Variants in EPB41L4A observed in about 807,000 individuals in gnomAD.
EPB41L4A encodes erythrocyte membrane protein band 4.1 like 4A.
EPB41L4A carries 100 observed loss-of-function variants against 108.6 expected under a neutral mutation model. That is an observed-to-expected ratio of 0.92 (90% confidence interval 0.78 to 1.09). The LOEUF (loss-of-function observed/expected upper bound fraction) is 1.09. Ranked by LOEUF, EPB41L4A falls within the 50% of genes least tolerant of loss-of-function variation. The probability of loss-of-function intolerance (pLI) is 0.00; values close to 1 mark genes in which losing one functional copy is unlikely to be tolerated. For synonymous variants in EPB41L4A, 319 were observed against 289.0 expected, an observed-to-expected ratio of 1.10 and a Z score of -1.05; for missense variants, 1,030 against 842.7, an observed-to-expected ratio of 1.22 and a Z score of -2.75.
chr5:112,153,584 G>T (rs563083018), intron 12 of EPB41L4A, among the ~76,000 whole-genome samples: 3,231 of 147,354 alleles, frequency 0.022, 41 homozygotes, highest in Middle Eastern at 0.035. Context: ...TATAGAGAGA[G>T]AGAGAGAGAG....
Position 112,194,550 on chromosome 5 carries a change from A to G in EPB41L4A, c.1502+18T>C. The G allele has an allele frequency of 7.0e-7, 1 of 1,421,742 alleles. No homozygotes were observed. The highest frequency in any genetic ancestry group is 9.8e-7 in the Non-Finnish European group (1 of 1,023,618). 88.1% of individuals were successfully genotyped at this position (1,421,742 alleles called of 1,614,324 possible). Reference sequence around the variant, plus strand: ...TCTGATTTCAGAGTGCCAGTTAATTATAATATTGAGATATTACCTGTTTCT... The same window carrying G: ...TCTGATTTCAGAGTGCCAGTTAATTGTAATATTGAGATATTACCTGTTTCT... On this transcript the variant is annotated intron_variant, in intron 17 of 22. Coordinates refer to ENST00000261486, the MANE Select transcript of EPB41L4A (RefSeq NM_022140.5).
At chr5:112,188,937 T>C (rs569570947) in intron 17 of EPB41L4A, among the ~76,000 whole-genome samples, 21 of 152,352 alleles carry the variant, frequency 1.4e-4, no homozygotes, top group Non-Finnish European at 2.1e-4. Flanking sequence ...GTCAGATATA[T>C]TGTCCCTCTT....
intron 12 of EPB41L4A, among the ~76,000 whole-genome samples, chr5:112,220,647 T>C (rs1021388591): frequency 6.6e-6 from 1 of 152,142 alleles, no homozygotes; most frequent in African/African-American, 2.4e-5. Context: ...CTGACTCAGA[T>C]CAGGACACGC....
At chr5:112,256,549 G>T (rs1176493651) in intron 9 of EPB41L4A, among the ~76,000 whole-genome samples, 1 of 151,876 alleles carries the variant, frequency 6.6e-6, no homozygotes, top group East Asian at 1.9e-4. Flanking sequence ...TCAAAAACCA[G>T]TTAGAAGAGA....
intron 1 of EPB41L4A, among the ~76,000 whole-genome samples, chr5:112,357,676 C>T (rs1409673900): frequency 6.6e-6 from 1 of 152,116 alleles, no homozygotes; most frequent in Non-Finnish European, 1.5e-5. Flanking sequence ...GTCCTCTTTA[C>T]CTACACTGAG....
At chr5:112,357,551 T>C (rs1232654747) in intron 1 of EPB41L4A, among the ~76,000 whole-genome samples, 1 of 152,196 alleles carries the variant, frequency 6.6e-6, no homozygotes, top group Non-Finnish European at 1.5e-5. Context: ...TAGAGAAGGT[T>C]TGTATAATGT....
At chr5:112,392,772 A>G (rs1274518541) in intron 1 of EPB41L4A, 1 of 152,212 alleles carries the variant, frequency 6.6e-6, no homozygotes, top group African/African-American at 2.4e-5. Context: ...TCCACCCCAA[A>G]TCAACAGAAT....
intron 1 of EPB41L4A, among the ~76,000 whole-genome samples, chr5:112,392,401 C>CAAAAAAAA (rs56256606): frequency 1.1e-4 from 4 of 35,918 alleles, no homozygotes; most frequent in African/African-American, 2.4e-4. Flanking sequence ...AAATGGAAAG[C>CAAAAAAAA]AAAAAAAAAA....
At chr5:112,248,533 T>C (rs1750402341) in intron 9 of EPB41L4A, among the ~76,000 whole-genome samples, 1 of 152,188 alleles carries the variant, frequency 6.6e-6, no homozygotes, top group Admixed American at 6.5e-5. Flanking sequence ...GAGTCACTTC[T>C]AAGTCCAATA....
intron 18 of EPB41L4A, among the ~76,000 whole-genome samples, chr5:112,178,693 C>T (rs912189547): frequency 2.0e-5 from 3 of 151,038 alleles, no homozygotes; most frequent in Non-Finnish European, 3.0e-5. Context: ...CAAAAAAAGA[C>T]AAGATACATT....
At chr5:112,296,951 T>C (rs958075791) in intron 2 of EPB41L4A, among the ~76,000 whole-genome samples, 9 of 151,918 alleles carry the variant, frequency 5.9e-5, no homozygotes, top group African/African-American at 2.2e-4. Flanking sequence ...TTCCATTTTA[T>C]GGCTGAGTAG....
chr5:112,254,472 C>T (rs1389415806), intron 9 of EPB41L4A, among the ~76,000 whole-genome samples: 3 of 152,090 alleles, frequency 2.0e-5, no homozygotes, highest in East Asian at 3.9e-4. Flanking sequence ...AATGCACATC[C>T]GATCATGGAG....
chr5:112,341,309 T>C (rs942532762), intron 1 of EPB41L4A, among the ~76,000 whole-genome samples: 6 of 152,196 alleles, frequency 3.9e-5, no homozygotes, highest in Non-Finnish European at 5.9e-5. Context: ...TGCCTTAACC[T>C]TCCTAAAACT....
chr5:112,211,778 A>C (rs559488748), intron 12 of EPB41L4A, among the ~76,000 whole-genome samples: 1 of 152,332 alleles, frequency 6.6e-6, no homozygotes, highest in African/African-American at 2.4e-5. Context: ...AATACACTTT[A>C]GACAGAGAAA....
intron 1 of EPB41L4A, among the ~76,000 whole-genome samples, chr5:112,314,506 A>T (rs1295930350): frequency 3.7e-3 from 12 of 3,240 alleles, no homozygotes; most frequent in Admixed American, 9.2e-3. Context: ...CATCGCTACT[A>T]AAAAAAAAAA....
intron 3 of EPB41L4A, 59 bp from the exon 4 acceptor site, chr5:112,275,463 TATA>T (rs139210661): frequency 0.066 from 96,436 of 1,450,482 alleles, 3,475 homozygotes; most frequent in African/African-American, 0.077. Flanking sequence ...AAAGTTACAG[TATA>T]ATATTATACA....
At chr5:112,340,531 T>C (rs1757244252) in intron 1 of EPB41L4A, among the ~76,000 whole-genome samples, 1 of 152,238 alleles carries the variant, frequency 6.6e-6, no homozygotes, top group South Asian at 2.1e-4. Flanking sequence ...GAAGTCTTAC[T>C]TAGATTACTT....
chr5:112,200,494 T>C (rs1382497995), intron 15 of EPB41L4A, among the ~76,000 whole-genome samples: 3 of 152,194 alleles, frequency 2.0e-5, no homozygotes, highest in African/African-American at 7.2e-5. Context: ...CAATGGCACA[T>C]ATATTCCTAT....
At chr5:112,231,791 C>CAA (rs777370941) in intron 12 of EPB41L4A, among the ~76,000 whole-genome samples, 8,355 of 37,540 alleles carry the variant, frequency 0.22, 1,317 homozygotes, top group South Asian at 0.33. Flanking sequence ...GACTCCGTCT[C>CAA]AAAAAAAAAA....
Sources: allele counts gnomAD v4.1 joint callset (sites outside exome capture counted in the v4.1 genomes callset), GRCh38; gene constraint gnomAD v4.1.1; transcripts MANE v1.5; gene names NCBI Gene and HGNC (gene_info 2026-07-23, HGNC 2026-07-21).